Variants in CAND2 observed in about 807,000 individuals in gnomAD.
The protein encoded by CAND2 is cullin associated and neddylation dissociated 2 (putative), also known as cullin-associated NEDD8-dissociated protein 2.
CAND2 carries 62 observed loss-of-function variants against 98.9 expected under a neutral mutation model. That is an observed-to-expected ratio of 0.63 (90% CI 0.51 to 0.77). The LOEUF (loss-of-function observed/expected upper bound fraction) is 0.77. Among genes scored for constraint, CAND2 ranks in the 30% least tolerant of loss-of-function variants. The pLI, the probability that CAND2 is intolerant of heterozygous loss-of-function variation, is 0.00. For synonymous variants in CAND2, 770 were observed against 731.9 expected (o/e 1.05, Z -0.84); for missense variants, 1,501 against 1,655.2 (o/e 0.91, Z 1.62).
At chr3:12,812,420 C>A (rs1173118963) in intron 5 of CAND2, among the ~76,000 whole-genome samples, 1 of 84,634 alleles carries the variant, frequency 1.2e-5, no homozygotes, top group Admixed American at 1.7e-4. Flanking sequence ...TTTTTTGAGA[C>A]GGAGTCTCGC....
At position 12,801,230 on chromosome 3, in the gene CAND2, GT is replaced by G. The variant is rs2061764636; in HGVS notation, c.69-2255del. ...TTTTTGTATTTTTAATAGAGACAGG[GT>G]TTCACCATATTGGCCAGGCTGATCT... On this transcript the variant is annotated intron_variant, in intron 1 of 14. Transcript: ENST00000456430. Among the ~76,000 whole-genome samples, 3 of 151,542 alleles carry G rather than the reference GT, an allele frequency of 2.0e-5. No homozygotes were observed. In the South Asian group the frequency reaches 6.2e-4, roughly 32 times the overall value.
chr3:12,828,336 GTTTT>G (rs576931018), intron 13 of CAND2, among the ~76,000 whole-genome samples: 10 of 122,272 alleles, frequency 8.2e-5, no homozygotes, highest in Admixed American at 2.5e-4. Context: ...CAGGTGAAGT[GTTTT>G]TTTTTTTTTT....
chr3:12,827,035 G>A lies in CAND2; in HGVS notation c.3211-405G>A, dbSNP rs555144262. Among the ~76,000 whole-genome samples, 15 of 152,196 alleles carry A rather than the reference G, an allele frequency of 9.9e-5. No individual in the cohort carries two copies. In the South Asian group the frequency reaches 3.1e-3, roughly 32 times the overall value. Reference sequence around the variant, plus strand: ...TTTAGTAGAGGTGAAGTTTCGCCATGTTAGCCAGGATGGCCTCAATCTCCT... The same window carrying A: ...TTTAGTAGAGGTGAAGTTTCGCCATATTAGCCAGGATGGCCTCAATCTCCT... On this transcript the variant is annotated intron_variant, in intron 12 of 14. Transcript: ENST00000456430.
chr3:12,822,872 C>T (rs1024864949), intron 11 of CAND2, among the ~76,000 whole-genome samples: 23 of 152,280 alleles, frequency 1.5e-4, no homozygotes, highest in Admixed American at 1.2e-3. Flanking sequence ...ACATGTGCTT[C>T]CAGATGCACA....
At position 12,800,457 on chromosome 3, in the gene CAND2, C is replaced by T. The variant is rs190516164; in HGVS notation, c.69-3031C>T. Among the ~76,000 whole-genome samples the T allele has an allele frequency of 2.3e-3, 357 of 152,262 alleles. 1 individual carries two copies. The highest frequency in any genetic ancestry group is 8.1e-3 in the African/African-American group (337 of 41,550). On this transcript the variant is annotated intron_variant, in intron 1 of 14. Coordinates refer to ENST00000456430, the MANE Select transcript of CAND2 (RefSeq NM_001162499.2). ...GCCAGCGTGGGGTGGTAGAGTGGCC[C>T]AGCAGGGTCAGTAAAAGCTGGAGGC...
In CAND2 at chr3:12,833,979, C is replaced by T; in HGVS notation, c.3708C>T (p.Ser1236=). The change falls in exon 15 of 15, where the codon AGC becomes AGT. Residue 1236 remains serine (S), a synonymous_variant. Coordinates refer to ENST00000456430, the MANE Select transcript of CAND2 (RefSeq NM_001162499.2). ...CCAGCACAGACTCAATGGAGCTCAG[C>T]TAGTCCCCTCAGCACCAAGGTGGGC... The part of the protein sequence containing the change: ...SAPSTDSMEL[S] The T allele has an allele frequency of 6.2e-7, 1 of 1,613,494 alleles. No homozygotes were observed. The highest frequency in any genetic ancestry group is 2.2e-5 in the East Asian group (1 of 44,872).
rs557939702 is a variant in CAND2 at position 12,818,273 on chromosome 3, A to G, written c.2944+397A>G. ...GACCCTGCCTCTACCAAAAAAAAAA[A>G]CAAAACAAAAAACCTCATGATGCCA... is the stretch of plus-strand genomic sequence containing the variant. On this transcript the variant is annotated intron_variant, in intron 10 of 14. Transcript: ENST00000456430. Among the ~76,000 whole-genome samples the G allele has an allele frequency of 5.4e-5, 8 of 147,732 alleles. No individual in the cohort carries two copies. In the East Asian group the frequency reaches 1.4e-3, roughly 26 times the overall value.
At position 12,816,014 on chromosome 3, in the gene CAND2, C is replaced by T. The variant is rs2061896370; in HGVS notation, c.1441+6C>T. On this transcript the variant is annotated splice_donor_region_variant and intron_variant, in intron 9 of 14. Transcript: ENST00000456430. ...TATGCCTGTGCTGGTATCAGGTAGG[C>T]TGGACTGCAACCAGGTATCTGCTGT... 6.2e-7 allele frequency: 1 copy of T among 1,612,402 alleles called. No homozygotes were observed. Among genetic ancestry groups the T allele is most frequent in the African/African-American group, 1.3e-5 (1 of 74,880 alleles).
rs746550726 is a variant in CAND2, at chr3:12,815,347, C to A, written c.1213C>A (p.Arg405=). ...CTTCACTGCTTACATCGTGCTGCTGCGGCAAACACAGCCCCCGAAGGGATG... is the reference window on the plus strand; with the variant it reads ...CTTCACTGCTTACATCGTGCTGCTGAGGCAAACACAGCCCCCGAAGGGATG... The part of the protein sequence containing the change: ...DVFTAYIVLL[R]QTQPPKGWLE... The change falls in exon 8 of 15, where the codon CGG becomes AGG. Residue 405 remains arginine, a synonymous_variant. Transcript: ENST00000456430. The surrounding 1 kb of genome is among the most constrained non-coding windows in gnomAD (Gnocchi z 5.7). 10 of 1,613,876 alleles carry A rather than the reference C, an allele frequency of 6.2e-6. No homozygotes were observed. Among genetic ancestry groups the A allele is most frequent in the Admixed American group, 3.3e-5 (2 of 60,010 alleles).
rs533725742 is a variant in CAND2 at position 12,805,770 on chromosome 3, A to G, written c.213-1536A>G. Among the ~76,000 whole-genome samples the G allele has an allele frequency of 3.9e-5, 6 of 152,382 alleles. No individual in the cohort carries two copies. In the South Asian group the frequency reaches 1.2e-3, roughly 32 times the overall value. ...AAATTTTAGACTCAGATAATTATAGAAAGGCCTTTTGCCTATACAAATGCC... is the reference window on the plus strand; with the variant it reads ...AAATTTTAGACTCAGATAATTATAGGAAGGCCTTTTGCCTATACAAATGCC... On this transcript the variant is annotated intron_variant, in intron 2 of 14. Coordinates refer to ENST00000456430, the MANE Select transcript of CAND2 (RefSeq NM_001162499.2).
At chr3:12,828,292 A>G (rs1399506789) in intron 13 of CAND2, among the ~76,000 whole-genome samples, 1 of 151,164 alleles carries the variant, frequency 6.6e-6, no homozygotes, top group Non-Finnish European at 1.5e-5. Context: ...AATATTAATA[A>G]TACAAGTTAC....
intron 10 of CAND2, among the ~76,000 whole-genome samples, chr3:12,819,518 AAGCTCTCTGTGACCG>A (rs1195108784): frequency 1.3e-5 from 2 of 152,148 alleles, no homozygotes; most frequent in Admixed American, 6.5e-5. Context: ...ACAAGTAAGC[AAGCTCTCTGTGACCG>A]AGCCTGGAGG....
chr3:12,809,988 G>A, intron 4 of CAND2, 71 bp from the exon 5 acceptor site: 1 of 1,384,180 alleles, frequency 7.2e-7, no homozygotes, highest in Non-Finnish European at 9.3e-7. Context: ...GAGAGAATGG[G>A]GAGAGGGGCG....
intron 11 of CAND2, among the ~76,000 whole-genome samples, chr3:12,823,004 T>G (rs2061969269): frequency 6.6e-6 from 1 of 152,204 alleles, no homozygotes; most frequent in African/African-American, 2.4e-5. Flanking sequence ...TCATAGCTGC[T>G]TCGTATTGCA....
At chr3:12,831,388 TCTGCTCTTTCCCAGGGCTGGCTG>T in intron 13 of CAND2, 54 bp from the exon 14 acceptor site, 1 of 1,177,986 alleles carries the variant, frequency 8.5e-7, no homozygotes, top group Non-Finnish European at 1.3e-6. Flanking sequence ...TTGTGGGGCC[TCTGCTCTTTCCCAGGGCTGGCTG>T]CTGCTCTTGC....
rs917812646 is a variant in CAND2, at chr3:12,816,760, C to A, written c.1828C>A (p.Leu610Met). 10 of 1,613,594 alleles carry A rather than the reference C, an allele frequency of 6.2e-6. No homozygotes were observed. The highest frequency in any genetic ancestry group is 8.5e-6 in the Non-Finnish European group (10 of 1,180,046). The change falls in exon 10 of 15, where the codon CTG becomes ATG. Residue 610 changes from leucine (L) to methionine (M), a missense_variant. This residue lies in a region of CAND2 where 1,427 missense variants were observed against 1,545.3 expected (regional missense o/e 0.92). Coordinates refer to ENST00000456430, the MANE Select transcript of CAND2 (RefSeq NM_001162499.2). ...CCTGGGTGACCGGCTTGGGGATGACCTGGAGCCCACGTTACTGCTCCTCCT... is the reference window on the plus strand; with the variant it reads ...CCTGGGTGACCGGCTTGGGGATGACATGGAGCCCACGTTACTGCTCCTCCT... ...GHLGDRLGDD[L>M]EPTLLLLLDR...
rs1190448629 is a variant in CAND2 at position 12,816,369 on chromosome 3, T to C, written c.1442-5T>C. On this transcript the variant is annotated splice_polypyrimidine_tract_variant and splice_region_variant and intron_variant, in intron 9 of 14. Transcript: ENST00000456430. ...GGCCTCATAACCTTTGCATTCACCC[T>C]GCAGGCATCATCTTCTCGCTGGCCG... 3.2e-5 allele frequency: 52 copies of C among 1,605,654 alleles called. No homozygotes were observed. The highest frequency in any genetic ancestry group is 4.4e-5 in the Non-Finnish European group (52 of 1,176,198).
At chr3:12,813,977 T>C (rs2124850110) in intron 7 of CAND2, among the ~76,000 whole-genome samples, 1 of 152,264 alleles carries the variant, frequency 6.6e-6, no homozygotes, top group South Asian at 2.1e-4. Flanking sequence ...ATGGAGACGA[T>C]GGATTTAGAG....
At chr3:12,833,410 T>C (rs1173995351) in intron 14 of CAND2, among the ~76,000 whole-genome samples, 3 of 152,120 alleles carry the variant, frequency 2.0e-5, no homozygotes, top group East Asian at 1.9e-4. Context: ...ACAGCAAATA[T>C]AGGCTGGATC....
Sources: gnomAD v4.1 joint callset for allele counts (sites outside exome capture counted in the v4.1 genomes callset) on GRCh38, gnomAD v4.1.1 for gene constraint, gnomAD v4.1.1 regional missense constraint, Gnocchi (gnomAD v3.1) non-coding constraint, MANE v1.5 for transcripts, NCBI Gene and HGNC (gene_info 2026-07-23, HGNC 2026-07-21) for gene names.